TMEM132C: variants seen among roughly 807,000 people sequenced by gnomAD.
The protein encoded by TMEM132C is protein phosphatase 1, regulatory subunit 152.
In TMEM132C, 29 loss-of-function variants were observed where a neutral mutation model predicts 61.4. The observed-to-expected ratio is 0.47, with a 90% CI of 0.35 to 0.64. TMEM132C has a LOEUF of 0.64. Among genes scored for constraint, TMEM132C ranks in the 30% least tolerant of loss-of-function variants. The probability of loss-of-function intolerance (pLI) is 0.00; values close to 1 mark genes in which losing one functional copy is unlikely to be tolerated. For missense variants in TMEM132C, 1,408 were observed against 1,476.9 expected, an observed-to-expected ratio of 0.95 and a Z score of 0.76; for synonymous variants, 656 against 633.1, an observed-to-expected ratio of 1.04 and a Z score of -0.54.
At chr12:128,500,072 C>T (rs546627946) in intron 2 of TMEM132C, among the ~76,000 whole-genome samples, 16 of 152,140 alleles carry the variant, frequency 1.1e-4, no homozygotes, top group Non-Finnish European at 2.1e-4. Flanking sequence ...TGGATAAAAG[C>T]CATAAGAGTG....
intron 2 of TMEM132C, among the ~76,000 whole-genome samples, chr12:128,506,127 C>T (rs1228288746): frequency 1.3e-5 from 2 of 152,290 alleles, no homozygotes; most frequent in South Asian, 2.1e-4. Flanking sequence ...CCAACCTCGC[C>T]GTCATTAATA....
intron 2 of TMEM132C, among the ~76,000 whole-genome samples, chr12:128,496,129 ATTCTT>A (rs1248224048): frequency 6.6e-6 from 1 of 152,072 alleles, no homozygotes; most frequent in Non-Finnish European, 1.5e-5. Flanking sequence ...TGGGTTGAAA[ATTCTT>A]TTCTTTAAGA....
rs765990330 is a variant in TMEM132C at position 128,705,242 on chromosome 12, G to C, written c.2274G>C (p.Val758=). The C allele has an allele frequency of 9.7e-6, 15 of 1,551,664 alleles. No individual in the cohort carries two copies. Among genetic ancestry groups the C allele is most frequent in the South Asian group, 7.1e-5 (6 of 84,060 alleles). The part of the protein sequence containing the change: ...PQPRSPRWPV[V]VAEGEGQGPL... ...CCCGCTCTCCCAGGTGGCCCGTTGTGGTGGCCGAAGGGGAAGGCCAGGGCC... is the reference window on the plus strand; with the variant it reads ...CCCGCTCTCCCAGGTGGCCCGTTGTCGTGGCCGAAGGGGAAGGCCAGGGCC... The change falls in exon 9 of 9, where the codon GTG becomes GTC. Residue 758 remains valine, a synonymous_variant. Transcript: ENST00000435159.
chr12:128,416,195 A>G (rs540507456), intron 2 of TMEM132C, among the ~76,000 whole-genome samples: 2 of 152,300 alleles, frequency 1.3e-5, no homozygotes, highest in African/African-American at 4.8e-5. Context: ...ATTCCATCTT[A>G]TAATACAAAT....
intron 4 of TMEM132C, among the ~76,000 whole-genome samples, chr12:128,656,257 G>C (rs1954324530): frequency 2.6e-5 from 4 of 152,102 alleles, no homozygotes; most frequent in Admixed American, 2.6e-4. Context: ...CACCATGTTG[G>C]CCAGGCTGGT....
intron 1 of TMEM132C, among the ~76,000 whole-genome samples, chr12:128,290,210 A>C (rs1057353995): frequency 6.6e-6 from 1 of 152,134 alleles, no homozygotes; most frequent in South Asian, 2.1e-4. Flanking sequence ...GAGACTGGGT[A>C]TTTTATAAAG....
At chr12:128,703,171 G>A (rs544411074) in intron 8 of TMEM132C, among the ~76,000 whole-genome samples, 18 of 152,132 alleles carry the variant, frequency 1.2e-4, no homozygotes, top group African/African-American at 4.1e-4. Flanking sequence ...TTCACTTCAG[G>A]GGTACCTGTG....
intron 1 of TMEM132C, among the ~76,000 whole-genome samples, chr12:128,381,719 T>TA (rs1009967704): frequency 2.0e-5 from 3 of 152,120 alleles, no homozygotes; most frequent in African/African-American, 4.8e-5. Flanking sequence ...CGGGGTTTAA[T>TA]ACCCTCCACA....
intron 4 of TMEM132C, among the ~76,000 whole-genome samples, chr12:128,663,798 ACACATACAGGCACATGCACC>A (rs1250960342): frequency 6.6e-6 from 1 of 152,212 alleles, no homozygotes; most frequent in Non-Finnish European, 1.5e-5. Flanking sequence ...ACAGGCACTC[ACACATACAGGCACATGCACC>A]CACATACAGG....
intron 3 of TMEM132C, among the ~76,000 whole-genome samples, chr12:128,553,521 T>C (rs1458690292): frequency 6.6e-6 from 1 of 152,238 alleles, no homozygotes; most frequent in African/African-American, 2.4e-5. Flanking sequence ...GTTGCCAAAG[T>C]ACTTTGCTTG....
intron 2 of TMEM132C, among the ~76,000 whole-genome samples, chr12:128,470,084 A>C (rs1159157044): frequency 6.6e-6 from 1 of 152,182 alleles, no homozygotes; most frequent in Non-Finnish European, 1.5e-5. Flanking sequence ...TATGACCTCT[A>C]TTTGAACACC....
chr12:128,280,209 G>A (rs146040376), intron 1 of TMEM132C, among the ~76,000 whole-genome samples: 49 of 152,270 alleles, frequency 3.2e-4, no homozygotes, highest in African/African-American at 1.1e-3. Context: ...TCTTCTCTCC[G>A]TCAGTCGCTC....
In TMEM132C at chr12:128,414,761, A is replaced by T. The variant is rs1012085166; in HGVS notation, c.115A>T (p.Ile39Leu). 3 of 1,537,420 alleles carry T rather than the reference A, an allele frequency of 2.0e-6. No individual in the cohort carries two copies. Among genetic ancestry groups the T allele is most frequent in the African/African-American group, 2.7e-5 (2 of 73,104 alleles). ...VIEGHGVTDN[I>L]QRFSSLPPYL... Reference sequence around the variant, plus strand: ...AGAGGGTCACGGGGTCACAGACAACATACAGAGATTCTCCTCACTGCCACC... The same window carrying T: ...AGAGGGTCACGGGGTCACAGACAACTTACAGAGATTCTCCTCACTGCCACC... The change falls in exon 2 of 9, where the codon ATA becomes TTA. Residue 39 changes from isoleucine to leucine, a missense_variant. Coordinates refer to ENST00000435159, the MANE Select transcript of TMEM132C (RefSeq NM_001136103.3).
chr12:128,509,966 A>G (rs1872517563), intron 2 of TMEM132C, among the ~76,000 whole-genome samples: 1 of 152,160 alleles, frequency 6.6e-6, no homozygotes, highest in Non-Finnish European at 1.5e-5. Flanking sequence ...CTTTATCATC[A>G]TACCTTGGTC....
chr12:128,669,554 T>G lies in TMEM132C; in HGVS notation c.1443T>G (p.Val481=), dbSNP rs1220448331. The G allele has an allele frequency of 6.4e-7, 1 of 1,551,158 alleles. No individual in the cohort carries two copies. The highest frequency in any genetic ancestry group is 1.4e-5 in the African/African-American group (1 of 73,164). The part of the protein sequence containing the change: ...SVECKSTDED[V]IKVSERCDYI... ...AGTGCAAGTCCACAGACGAGGACGT[T>G]ATCAAAGTAAGTCATTCCACAGCCA... Residue 481 remains valine, a synonymous_variant, in exon 5 of 9, where the codon GTT becomes GTG. Coordinates refer to ENST00000435159, the MANE Select transcript of TMEM132C (RefSeq NM_001136103.3).
chr12:128,442,480 G>C (rs956847533), intron 2 of TMEM132C, among the ~76,000 whole-genome samples: 2 of 152,048 alleles, frequency 1.3e-5, no homozygotes, highest in African/African-American at 2.4e-5. Flanking sequence ...GGATTAGGGT[G>C]AGGTTCAGGC....
At chr12:128,673,682 G>A (rs552679371) in intron 5 of TMEM132C, among the ~76,000 whole-genome samples, 20 of 152,340 alleles carry the variant, frequency 1.3e-4, no homozygotes, top group African/African-American at 3.4e-4. Context: ...AATGTCTCCC[G>A]AAGAATTCCT....
intron 1 of TMEM132C, among the ~76,000 whole-genome samples, chr12:128,268,886 AGG>A (rs144707523): frequency 0.21 from 21,739 of 102,072 alleles, 2,300 homozygotes; most frequent in East Asian, 0.38. Context: ...GGGGTGAGAG[AGG>A]GGGGGGAAGA....
At chr12:128,390,609 C>A (rs1485509799) in intron 1 of TMEM132C, among the ~76,000 whole-genome samples, 10 of 152,206 alleles carry the variant, frequency 6.6e-5, no homozygotes, top group Admixed American at 6.5e-4. Flanking sequence ...CCTCTCCCTG[C>A]AAACTTACGT....
Sources: gnomAD v4.1 joint callset for allele counts (sites outside exome capture counted in the v4.1 genomes callset) on GRCh38, gnomAD v4.1.1 for gene constraint, MANE v1.5 for transcripts, NCBI Gene and HGNC (gene_info 2026-07-23, HGNC 2026-07-21) for gene names.